The following USP20 variants were observed in gnomAD, a reference collection of about 807,000 sequenced individuals.
The protein encoded by USP20 is ubiquitin specific peptidase 20.
USP20 carries 80 observed loss-of-function variants against 124.2 expected under a neutral mutation model. The observed-to-expected ratio is 0.64, with a 90% CI of 0.54 to 0.78. USP20 has a LOEUF of 0.78. Ranked by LOEUF, USP20 falls within the 30% of genes least tolerant of loss-of-function variation. The pLI is 0.00. For synonymous variants in USP20, 481 were observed against 512.3 expected (o/e 0.94, Z 0.83); for missense variants, 1,043 against 1,244.4 (o/e 0.84, Z 2.44).
At chr9:129,876,349 T>C (rs780925895) in intron 22 of USP20, 111 bp downstream of exon 22, 21 of 888,160 alleles carry the variant, frequency 2.4e-5, no homozygotes, top group Non-Finnish European at 3.5e-5. Flanking sequence ...TTGAAAGCAG[T>C]CTTTTGAGGC....
chr9:129,851,410 C>T (rs72755280), intron 2 of USP20, among the ~76,000 whole-genome samples: 20,550 of 151,976 alleles, frequency 0.14, 1,949 homozygotes, highest in African/African-American at 0.27. Flanking sequence ...AGGCATGCAC[C>T]AGCATCCCAG....
chr9:129,870,935 A>G (rs1254245262), intron 15 of USP20, among the ~76,000 whole-genome samples: 3 of 150,916 alleles, frequency 2.0e-5, no homozygotes, highest in Non-Finnish European at 4.4e-5. Context: ...TCCGTTGGCT[A>G]TTTGGCATCT....
chr9:129,847,084 T>C (rs1375673924), intron 1 of USP20, among the ~76,000 whole-genome samples: 3 of 152,242 alleles, frequency 2.0e-5, no homozygotes, highest in African/African-American at 7.2e-5. Context: ...TTGCACATAA[T>C]GCAGCTATGA....
intron 7 of USP20, among the ~76,000 whole-genome samples, chr9:129,861,283 G>A (rs2033533168): frequency 6.6e-6 from 1 of 152,212 alleles, no homozygotes; most frequent in Non-Finnish European, 1.5e-5. Context: ...CCCCTCTGCT[G>A]TATGGTCTGG....
intron 21 of USP20, among the ~76,000 whole-genome samples, 200 bp downstream of exon 21, chr9:129,875,841 G>A (rs532466117): frequency 0.015 from 220 of 14,432 alleles, no homozygotes; most frequent in African/African-American, 0.03. Flanking sequence ...TCCTTCCAGC[G>A]GCAAGGGACA....
chr9:129,865,993 A>G (rs906081575), intron 10 of USP20, among the ~76,000 whole-genome samples: 2 of 152,256 alleles, frequency 1.3e-5, no homozygotes, highest in Admixed American at 6.5e-5. Flanking sequence ...TTTTGAAACC[A>G]ATCACATTTT....
chr9:129,861,813 AGTT>A (rs1266223833), intron 8 of USP20, among the ~76,000 whole-genome samples: 1 of 152,192 alleles, frequency 6.6e-6, no homozygotes, highest in Non-Finnish European at 1.5e-5. Context: ...ATGCTGGGGA[AGTT>A]GTACGTGCAA....
rs774869294 is a variant in USP20, at chr9:129,879,559, T to C, written c.2513-14T>C. The C allele has an allele frequency of 5.5e-5, 88 of 1,612,874 alleles. No homozygotes were observed. The highest frequency in any genetic ancestry group is 7.0e-5 in the Non-Finnish European group (83 of 1,179,730). ...TGGCAGGGGCTGAACCCGAGCCCGC[T>C]GTGTCTGTTGCAGAGCCCCCCGGGC... On this transcript the variant is annotated splice_polypyrimidine_tract_variant and intron_variant, in intron 23 of 25. Transcript: ENST00000372429. This position sits in a 1 kb window ranked among gnomAD's most constrained non-coding sequence, Gnocchi z 4.2.
chr9:129,872,371 T>G (rs1341737038), intron 15 of USP20, among the ~76,000 whole-genome samples: 1 of 152,160 alleles, frequency 6.6e-6, no homozygotes, highest in East Asian at 1.9e-4. Context: ...CAGGTTGGTC[T>G]CGAACTCCTG....
chr9:129,845,850 C>A, intron 1 of USP20, among the ~76,000 whole-genome samples: 1 of 151,582 alleles, frequency 6.6e-6, no homozygotes. Flanking sequence ...TGATAGCATC[C>A]TTTCTCTAGG....
At chr9:129,866,599 C>T (rs1471382141) in intron 10 of USP20, among the ~76,000 whole-genome samples, 2 of 152,194 alleles carry the variant, frequency 1.3e-5, no homozygotes, top group Non-Finnish European at 2.9e-5. Flanking sequence ...GTCAGGATGC[C>T]GTTACGGAGG....
chr9:129,846,034 C>T (rs528710137), intron 1 of USP20, among the ~76,000 whole-genome samples: 1 of 151,868 alleles, frequency 6.6e-6, no homozygotes, highest in South Asian at 2.1e-4. Context: ...ATGCCTTTCT[C>T]CTGCCTCAGC....
intron 2 of USP20, among the ~76,000 whole-genome samples, chr9:129,851,869 A>G (rs2032939789): frequency 6.6e-6 from 1 of 152,006 alleles, no homozygotes. Context: ...GTTTTGGCAA[A>G]CACAGACTGC....
chr9:129,868,352 G>A lies in USP20; in HGVS notation c.1038G>A (p.Glu346=). The change falls in exon 11 of 26, where the codon GAG becomes GAA. Residue 346 remains glutamate, a synonymous_variant. Coordinates refer to ENST00000372429, the MANE Select transcript of USP20 (RefSeq NM_001110303.4). ...GTACAAACTCGGAGCAAGTGGACGAGGACGCTGATGTGGACACTGCCATGG... is the reference window on the plus strand; with the variant it reads ...GTACAAACTCGGAGCAAGTGGACGAAGACGCTGATGTGGACACTGCCATGG... The part of the protein sequence containing the change: ...QQRTNSEQVD[E]DADVDTAMAA... 6.2e-7 allele frequency: 1 copy of A among 1,610,952 alleles called. No homozygotes were observed. Among genetic ancestry groups the A allele is most frequent in the Non-Finnish European group, 8.5e-7 (1 of 1,179,356 alleles).
chr9:129,870,099 A>G, intron 14 of USP20: 1 of 575,420 alleles, frequency 1.7e-6, no homozygotes, highest in South Asian at 2.1e-5. Flanking sequence ...TGGCAGGTTG[A>G]AGGGAGGGCA....
At chr9:129,848,127 T>C (rs4323577) in intron 1 of USP20, among the ~76,000 whole-genome samples, 21,772 of 151,934 alleles carry the variant, frequency 0.14, 2,034 homozygotes, top group African/African-American at 0.26. Context: ...AGAAACTCCA[T>C]CTCTACTAAA....
chr9:129,869,274 G>C, intron 12 of USP20, 36 bp from the exon 13 acceptor site: 1 of 1,585,872 alleles, frequency 6.3e-7, no homozygotes, highest in Admixed American at 1.7e-5. Flanking sequence ...CGGCCAGGCA[G>C]GTGGAGGCTG....
intron 5 of USP20, 59 bp from the exon 6 acceptor site, chr9:129,858,408 G>A (rs950280877): frequency 5.6e-6 from 9 of 1,610,770 alleles, no homozygotes; most frequent in South Asian, 4.4e-5. Flanking sequence ...AGCCATTACA[G>A]GTTGGGGCAC....
intron 14 of USP20, 180 bp downstream of exon 14, chr9:129,870,024 G>A: frequency 1.4e-6 from 1 of 715,382 alleles, no homozygotes; most frequent in Non-Finnish European, 2.3e-6. Context: ...TGGCTACTTT[G>A]AAGTGGCCAG....
Sources: allele counts gnomAD v4.1 joint callset (sites outside exome capture counted in the v4.1 genomes callset), GRCh38; gene constraint gnomAD v4.1.1; non-coding constraint Gnocchi (gnomAD v3.1); transcripts MANE v1.5; gene names NCBI Gene and HGNC (gene_info 2026-07-23, HGNC 2026-07-21).